MAGED1: variants seen among roughly 807,000 people sequenced by gnomAD.
MAGED1 encodes melanoma-associated antigen D1.
In MAGED1, 3 loss-of-function variants were observed where a neutral mutation model predicts 54.1. The observed-to-expected ratio is 0.06, with a 90% CI of 0.03 to 0.14. The LOEUF is 0.14. Ranked by LOEUF, MAGED1 falls within the 10% of genes least tolerant of loss-of-function variation. The pLI is 1.00. For missense variants in MAGED1, 485 were observed against 623.4 expected, an observed-to-expected ratio of 0.78 and a Z score of 2.36; for synonymous variants, 217 against 227.3, an observed-to-expected ratio of 0.95 and a Z score of 0.41.
intron 1 of MAGED1, among the ~76,000 whole-genome samples, chrX:51,865,756 C>A (rs1927440662): frequency 9.0e-6 from 1 of 111,723 alleles, no homozygotes; most frequent in Non-Finnish European, 1.9e-5. Flanking sequence ...TGTGTCCCCA[C>A]CTAAATCTCA....
At chrX:51,876,228 T>G (rs1557361997) in intron 1 of MAGED1, among the ~76,000 whole-genome samples, 1 of 111,016 alleles carries the variant, frequency 9.0e-6, no homozygotes, top group African/African-American at 3.3e-5. Context: ...TGGATGGTCT[T>G]TCTTTCTTTT....
upstream of MAGED1, among the ~76,000 whole-genome samples, chrX:51,890,709 C>T (rs182716117): frequency 2.7e-5 from 3 of 109,800 alleles, no homozygotes; most frequent in East Asian, 8.5e-4. Context: ...GTAAAATATA[C>T]AAGCATATTA....
At chrX:51,857,372 C>T (rs781950040) in intron 1 of MAGED1, 1 of 111,694 alleles carries the variant, frequency 9.0e-6, no homozygotes, top group Non-Finnish European at 1.9e-5. Flanking sequence ...GGCCTCAAGA[C>T]AAACTCAGAC....
intron 1 of MAGED1, among the ~76,000 whole-genome samples, chrX:51,874,565 C>G (rs1171736839): frequency 1.8e-5 from 2 of 111,353 alleles, no homozygotes; most frequent in Non-Finnish European, 3.8e-5. Flanking sequence ...TTAATATCAT[C>G]TAGCATTTTT....
chrX:51,902,067 A>G, intron 12 of MAGED1, 79 bp from the exon 13 acceptor site: 1 of 640,142 alleles, frequency 1.6e-6, no homozygotes, highest in South Asian at 4.0e-5. Flanking sequence ...AGTATGGGGC[A>G]GCACTCTTTG....
intron 1 of MAGED1, among the ~76,000 whole-genome samples, chrX:51,820,350 A>G (rs1303729221): frequency 8.9e-6 from 1 of 112,262 alleles, no homozygotes; most frequent in Non-Finnish European, 1.9e-5. Context: ...CAGTGAATCT[A>G]TAGATCAGTT....
chrX:51,838,558 T>G (rs1218628897), intron 1 of MAGED1, among the ~76,000 whole-genome samples: 1 of 112,614 alleles, frequency 8.9e-6, no homozygotes, highest in African/African-American at 3.2e-5. Flanking sequence ...TTTTTTAAAA[T>G]TTTTTCATAA....
At chrX:51,883,911 C>G (rs782644973) in intron 1 of MAGED1, among the ~76,000 whole-genome samples, 3 of 111,339 alleles carry the variant, frequency 2.7e-5, no homozygotes, top group African/African-American at 9.8e-5. Flanking sequence ...AAGAATTAAT[C>G]AGGGAACTTG....
chrX:51,897,706 T>C, intron 6 of MAGED1, 80 bp downstream of exon 6: 1 of 1,068,294 alleles, frequency 9.4e-7, no homozygotes, highest in Admixed American at 2.2e-5. Context: ...ACTGGGAGTT[T>C]AGGGCAAGTC....
intron 1 of MAGED1, among the ~76,000 whole-genome samples, chrX:51,812,730 A>G (rs1925267668): frequency 9.0e-6 from 1 of 111,364 alleles, no homozygotes; most frequent in African/African-American, 3.3e-5. Context: ...AACTTCTGGT[A>G]TACGTTTTTG....
Position 51,901,537 on chromosome X carries a change from C to A in MAGED1, c.1960-16C>A, listed in dbSNP as rs1557364933. Reference sequence around the variant, plus strand: ...TTGTAAATGGATTTTGTTTTGTTTTCTATTCCTCATCTCAGGTTCAGAAAA... The same window carrying A: ...TTGTAAATGGATTTTGTTTTGTTTTATATTCCTCATCTCAGGTTCAGAAAA... On this transcript the variant is annotated splice_polypyrimidine_tract_variant and intron_variant, in intron 11 of 12. Transcript: ENST00000326587. 1 of 1,137,732 alleles carries A rather than the reference C, an allele frequency of 8.8e-7. No homozygotes were observed. Among genetic ancestry groups the A allele is most frequent in the South Asian group, 2.2e-5 (1 of 45,585 alleles). 93.8% of individuals were successfully genotyped at this position (1,137,732 alleles called of 1,213,427 possible).
At chrX:51,824,771 T>TGTATATATACACATATATATAC (rs1925782351) in intron 1 of MAGED1, among the ~76,000 whole-genome samples, 3 of 101,007 alleles carry the variant, frequency 3.0e-5, no homozygotes, top group Admixed American at 1.1e-4. Flanking sequence ...TATACACGTA[T>TGTATATATACACATATATATAC]GTATATATAC....
At chrX:51,858,156 C>T (rs782734778) in intron 1 of MAGED1, 8 of 112,402 alleles carry the variant, frequency 7.1e-5, no homozygotes, top group Non-Finnish European at 1.5e-4. Context: ...TTACAATAAT[C>T]ATACAATGTA....
chrX:51,870,422 G>T (rs1792411141), intron 1 of MAGED1, among the ~76,000 whole-genome samples: 2 of 111,528 alleles, frequency 1.8e-5, no homozygotes, highest in Admixed American at 9.5e-5. Flanking sequence ...GTTCTTTGGG[G>T]ATCTTGTGCT....
At chrX:51,854,580 T>C (rs1412737521) in intron 1 of MAGED1, among the ~76,000 whole-genome samples, 1 of 111,761 alleles carries the variant, frequency 8.9e-6, no homozygotes, top group East Asian at 2.8e-4. Context: ...AACTCTAAAA[T>C]GTTGGGCAAG....
intron 11 of MAGED1, among the ~76,000 whole-genome samples, chrX:51,901,277 A>C (rs1557364909): frequency 8.9e-6 from 1 of 111,924 alleles, no homozygotes; most frequent in African/African-American, 3.3e-5. Context: ...CTCTGCTTCT[A>C]TGAGTTAGAC....
chrX:51,842,559 A>T (rs1557358737), intron 1 of MAGED1, among the ~76,000 whole-genome samples: 1 of 112,008 alleles, frequency 8.9e-6, no homozygotes, highest in Non-Finnish European at 1.9e-5. Flanking sequence ...AGATGAGGTC[A>T]GGCTATCAGA....
chrX:51,832,188 C>G (rs1557357514), intron 1 of MAGED1, among the ~76,000 whole-genome samples: 1 of 110,566 alleles, frequency 9.0e-6, no homozygotes, highest in Non-Finnish European at 1.9e-5. Context: ...CACCACCACA[C>G]CTGGCTAATT....
At chrX:51,894,014 A>G (rs1449792449) in intron 1 of MAGED1, among the ~76,000 whole-genome samples, 1 of 109,695 alleles carries the variant, frequency 9.1e-6, no homozygotes, top group African/African-American at 3.3e-5. Flanking sequence ...CCAAATGCGA[A>G]TCCCAACCCA....
Sources: gnomAD v4.1 joint callset for allele counts (sites outside exome capture counted in the v4.1 genomes callset) on GRCh38, gnomAD v4.1.1 for gene constraint, MANE v1.5 for transcripts, NCBI Gene and HGNC (gene_info 2026-07-23, HGNC 2026-07-21) for gene names.